PIEZO2: variants seen among roughly 807,000 people sequenced by gnomAD.
PIEZO2 encodes piezo-type mechanosensitive ion channel component 2.
PIEZO2 carries 172 observed loss-of-function variants against 337.3 expected under a neutral mutation model. The ratio of observed to expected loss-of-function variants is 0.51; its 90% CI spans 0.45 to 0.58. The LOEUF is 0.58. Ranked by LOEUF, PIEZO2 falls within the 20% of genes least tolerant of loss-of-function variation. The probability of loss-of-function intolerance (pLI) is 0.00; values close to 1 mark genes in which losing one functional copy is unlikely to be tolerated. For synonymous variants in PIEZO2, 1,251 were observed against 1,228.5 expected, an observed-to-expected ratio of 1.02 and a Z score of -0.38; for missense variants, 3,028 against 3,391.3, an observed-to-expected ratio of 0.89 and a Z score of 2.66.
intron 7 of PIEZO2, among the ~76,000 whole-genome samples, chr18:10,845,778 A>G (rs567603974): frequency 3.3e-4 from 51 of 152,358 alleles, no homozygotes; most frequent in African/African-American, 1.1e-3. Flanking sequence ...TTCAAAAGTT[A>G]AAGCTACTGA....
In PIEZO2 at chr18:10,750,134, G is replaced by A; in HGVS notation, c.4221C>T (p.Ile1407=). The A allele has an allele frequency of 6.5e-7, 1 of 1,537,134 alleles. No homozygotes were observed. Among genetic ancestry groups the A allele is most frequent in the Non-Finnish European group, 8.7e-7 (1 of 1,146,854 alleles). The part of the protein sequence containing the change: ...GTLVHNSCWL[I]QAFSLACTVK... ...CTGTGCAGGCCAGGCTGAAAGCCTG[G>A]ATCAACCAACAACTATTGTGCACCA... The change falls in exon 29 of 56, where the codon ATC becomes ATT. Residue 1407 remains isoleucine, a synonymous_variant. Transcript: ENST00000674853. The surrounding 1 kb of genome is among the most constrained non-coding windows in gnomAD (Gnocchi z 4.1).
rs556857223 is a variant in PIEZO2 at position 11,127,737 on chromosome 18, A to G, written c.64+20788T>C. Among the ~76,000 whole-genome samples, 2 of 151,302 alleles carry G rather than the reference A, an allele frequency of 1.3e-5. No homozygotes were observed. The highest frequency in any genetic ancestry group is 6.6e-5 in the Admixed American group (1 of 15,108). On this transcript the variant is annotated intron_variant, in intron 1 of 55. Transcript: ENST00000674853. The surrounding 1 kb of genome is among the most constrained non-coding windows in gnomAD (Gnocchi z 4.5). Reference sequence around the variant, plus strand: ...TATATATATACACACATATATATGTATGTGTATATATATGACATATATAGG... The same window carrying G: ...TATATATATACACACATATATATGTGTGTGTATATATATGACATATATAGG...
rs145525673 is a variant in PIEZO2, at chr18:10,942,173, A to T, written c.287-30945T>A. ...GTCTTTCTCAGCAGCATGAAAATGAACTAATTCAGTAAATTGGTACCAGTA... is the reference window on the plus strand; with the variant it reads ...GTCTTTCTCAGCAGCATGAAAATGATCTAATTCAGTAAATTGGTACCAGTA... On this transcript the variant is annotated intron_variant, in intron 3 of 55. Coordinates refer to ENST00000674853, the MANE Select transcript of PIEZO2 (RefSeq NM_001378183.1). The surrounding 1 kb of genome is among the most constrained non-coding windows in gnomAD (Gnocchi z 4.4). Among the ~76,000 whole-genome samples, 6 of 152,326 alleles carry T rather than the reference A, an allele frequency of 3.9e-5. No homozygotes were observed. Among genetic ancestry groups the T allele is most frequent in the Non-Finnish European group, 7.4e-5 (5 of 68,026 alleles).
intron 3 of PIEZO2, among the ~76,000 whole-genome samples, chr18:10,971,406 A>T (rs764730462): frequency 6.6e-6 from 1 of 152,212 alleles, no homozygotes; most frequent in Non-Finnish European, 1.5e-5. Flanking sequence ...GGCTTTAAAA[A>T]TACAGATAAA....
rs969565765 is a variant in PIEZO2 at position 10,783,915 on chromosome 18, C to A, written c.2492+869G>T. On this transcript the variant is annotated intron_variant, in intron 17 of 55. Transcript: ENST00000674853. The surrounding 1 kb of genome is among the most constrained non-coding windows in gnomAD (Gnocchi z 4.3). ...AAATGCATATCATGAACTCCTACTT[C>A]ATCTTCTATTGATACCTGCATTTTT... is the stretch of plus-strand genomic sequence containing the variant. Among the ~76,000 whole-genome samples, 4 of 152,224 alleles carry A rather than the reference C, an allele frequency of 2.6e-5. No homozygotes were observed. Among genetic ancestry groups the A allele is most frequent in the Non-Finnish European group, 4.4e-5 (3 of 68,038 alleles).
At position 10,982,340 on chromosome 18, in the gene PIEZO2, A is replaced by T. The variant is rs572049871; in HGVS notation, c.161-2680T>A. Reference sequence around the variant, plus strand: ...GTATTTAAGAATTAACCTAAAAAAGAATGCTTAAGACCGTTCTTGACAAAA... The same window carrying T: ...GTATTTAAGAATTAACCTAAAAAAGTATGCTTAAGACCGTTCTTGACAAAA... On this transcript the variant is annotated intron_variant, in intron 2 of 55. Coordinates refer to ENST00000674853, the MANE Select transcript of PIEZO2 (RefSeq NM_001378183.1). This position sits in a 1 kb window ranked among gnomAD's most constrained non-coding sequence, Gnocchi z 4.1. 6.6e-6 allele frequency among the ~76,000 whole-genome samples: 1 copy of T among 152,234 alleles called. No individual in the cohort carries two copies. The highest frequency in any genetic ancestry group is 1.9e-4 in the East Asian group (1 of 5,182).
At chr18:11,060,502 A>T (rs2037907269) in intron 2 of PIEZO2, among the ~76,000 whole-genome samples, 1 of 152,222 alleles carries the variant, frequency 6.6e-6, no homozygotes, top group South Asian at 2.1e-4. Context: ...AAATTGATAG[A>T]CTGCTAGCAA....
In PIEZO2 at chr18:10,929,608, G is replaced by A. The variant is rs2031960366; in HGVS notation, c.287-18380C>T. On this transcript the variant is annotated intron_variant, in intron 3 of 55. Coordinates refer to ENST00000674853, the MANE Select transcript of PIEZO2 (RefSeq NM_001378183.1). This position sits in a 1 kb window ranked among gnomAD's most constrained non-coding sequence, Gnocchi z 5.6. ...ATTGGCAAGACTGTGAGAGGAAAATGCCTCTACCAACCTCTCGGGTCTCAG... is the reference window on the plus strand; with the variant it reads ...ATTGGCAAGACTGTGAGAGGAAAATACCTCTACCAACCTCTCGGGTCTCAG... Among the ~76,000 whole-genome samples, 1 of 152,172 alleles carries A rather than the reference G, an allele frequency of 6.6e-6. No homozygotes were observed. Among genetic ancestry groups the A allele is most frequent in the Non-Finnish European group, 1.5e-5 (1 of 68,032 alleles).
intron 1 of PIEZO2, among the ~76,000 whole-genome samples, chr18:11,082,187 T>A (rs919693790): frequency 6.6e-6 from 1 of 152,210 alleles, no homozygotes. Flanking sequence ...ACATAGGAAA[T>A]CTAATTAAGA....
At chr18:10,683,584 T>C (rs548224382) in intron 49 of PIEZO2, among the ~76,000 whole-genome samples, 10 of 152,344 alleles carry the variant, frequency 6.6e-5, no homozygotes, top group African/African-American at 2.4e-4. Context: ...ATTTTCTATA[T>C]TGAAAGGAAG....
rs1186893765 is a variant in PIEZO2, at chr18:10,762,974, A to G, written c.3071T>C (p.Leu1024Ser). ...AGGCTTAATGGTTTGGAGCTGGTACAACATTTTGCAGACGATGATCACACA... is the reference window on the plus strand; with the variant it reads ...AGGCTTAATGGTTTGGAGCTGGTACGACATTTTGCAGACGATGATCACACA... ...WTCVIIVCKM[L>S]YQLQTIKPEN... Residue 1024 changes from leucine to serine, a missense_variant, in exon 22 of 56, where the codon TTG becomes TCG. Physicochemically the swap from Leu to Ser is moderately radical, Grantham distance 145 (BLOSUM62 -2). Coordinates refer to ENST00000674853, the MANE Select transcript of PIEZO2 (RefSeq NM_001378183.1). 9.1e-6 allele frequency: 14 copies of G among 1,537,216 alleles called. No homozygotes were observed. In the Admixed American group the frequency reaches 1.8e-4, roughly 19 times the overall value.
intron 2 of PIEZO2, among the ~76,000 whole-genome samples, chr18:11,049,300 G>T (rs921354774): frequency 6.6e-6 from 1 of 152,196 alleles, no homozygotes; most frequent in Admixed American, 6.5e-5. Context: ...CAAGTAACTT[G>T]CTGGAGATTA....
intron 2 of PIEZO2, among the ~76,000 whole-genome samples, chr18:11,039,473 A>C (rs1197986624): frequency 6.6e-6 from 1 of 152,188 alleles, no homozygotes; most frequent in Non-Finnish European, 1.5e-5. Context: ...TTTACGTCAC[A>C]GAACAGTGGT....
chr18:11,019,827 T>C (rs1243585996), intron 2 of PIEZO2, among the ~76,000 whole-genome samples: 1 of 152,192 alleles, frequency 6.6e-6, no homozygotes, highest in Non-Finnish European at 1.5e-5. Flanking sequence ...TTCTTAATAG[T>C]ACTAATGACA....
intron 4 of PIEZO2, among the ~76,000 whole-genome samples, chr18:10,882,064 T>G (rs909802830): frequency 3.3e-5 from 5 of 152,202 alleles, no homozygotes; most frequent in Non-Finnish European, 5.9e-5. Flanking sequence ...TCAAAACTAA[T>G]GTGTGCCTTC....
intron 1 of PIEZO2, among the ~76,000 whole-genome samples, chr18:11,108,552 T>G (rs1321000876): frequency 6.9e-6 from 1 of 145,056 alleles, no homozygotes; most frequent in Non-Finnish European, 1.5e-5. Flanking sequence ...AGGCGGAGTT[T>G]GCAGTGAGCT....
At chr18:10,809,726 G>C (rs1290575441) in intron 7 of PIEZO2, among the ~76,000 whole-genome samples, 3 of 152,026 alleles carry the variant, frequency 2.0e-5, no homozygotes, top group African/African-American at 7.3e-5. Flanking sequence ...CTCAATGTTT[G>C]TTTCCCAGGA....
intron 36 of PIEZO2, among the ~76,000 whole-genome samples, chr18:10,720,066 T>C (rs1335087313): frequency 6.6e-6 from 1 of 150,842 alleles, no homozygotes; most frequent in Non-Finnish European, 1.5e-5. Flanking sequence ...ACGTGAAGTT[T>C]GAGGTAGGTA....
intron 27 of PIEZO2, among the ~76,000 whole-genome samples, chr18:10,756,013 A>G (rs1361251381): frequency 8.6e-6 from 1 of 116,306 alleles, no homozygotes; most frequent in Non-Finnish European, 1.9e-5. Flanking sequence ...ATGGAGAATG[A>G]GGAGGAGGGA....
Sources: gnomAD v4.1 joint callset for allele counts (sites outside exome capture counted in the v4.1 genomes callset) on GRCh38, gnomAD v4.1.1 for gene constraint, Gnocchi (gnomAD v3.1) non-coding constraint, MANE v1.5 for transcripts, NCBI Gene and HGNC (gene_info 2026-07-23, HGNC 2026-07-21) for gene names.